Variants in ECE1 observed in about 807,000 individuals in gnomAD.
The protein encoded by ECE1 is endothelin-converting enzyme 1.
Under a neutral mutation model 98.6 loss-of-function variants are expected in ECE1, and 35 were observed. That is an observed-to-expected ratio of 0.35 (90% confidence interval 0.27 to 0.47). The LOEUF is 0.47. Among genes scored for constraint, ECE1 ranks in the 20% least tolerant of loss-of-function variants. The pLI is 1.00. For synonymous variants in ECE1, 394 were observed against 407.1 expected (o/e 0.97, Z 0.39); for missense variants, 814 against 1,025.3 (o/e 0.79, Z 2.81).
intron 1 of ECE1, among the ~76,000 whole-genome samples, chr1:21,334,015 A>G (rs968124348): frequency 6.6e-5 from 10 of 152,204 alleles, no homozygotes; most frequent in African/African-American, 2.4e-4. Context: ...CGAGGCTCAG[A>G]GATGGTCACT....
At chr1:21,239,452 C>T (rs2098192985) in intron 10 of ECE1, among the ~76,000 whole-genome samples, 1 of 152,174 alleles carries the variant, frequency 6.6e-6, no homozygotes, top group Non-Finnish European at 1.5e-5. Flanking sequence ...TTCATCATGG[C>T]CCTAAACTGA....
intron 8 of ECE1, among the ~76,000 whole-genome samples, chr1:21,255,438 G>A (rs947517621): frequency 2.6e-5 from 4 of 152,212 alleles, no homozygotes; most frequent in African/African-American, 9.7e-5. Flanking sequence ...CTTCTCCAAT[G>A]GGTGACAGAG....
At chr1:21,288,724 T>C (rs1048270835) in intron 2 of ECE1, among the ~76,000 whole-genome samples, 55 of 152,234 alleles carry the variant, frequency 3.6e-4, no homozygotes, top group African/African-American at 1.1e-3. Flanking sequence ...AGAAATCTAA[T>C]TTCCTGCTGG....
chr1:21,275,369 C>T (rs894068425), intron 3 of ECE1, among the ~76,000 whole-genome samples: 14 of 152,078 alleles, frequency 9.2e-5, no homozygotes, highest in African/African-American at 2.2e-4. Context: ...CCGAGGTGGG[C>T]GGATCACCTG....
At chr1:21,336,368 G>A (rs1639305038) in intron 1 of ECE1, among the ~76,000 whole-genome samples, 1 of 152,096 alleles carries the variant, frequency 6.6e-6, no homozygotes, top group Non-Finnish European at 1.5e-5. Flanking sequence ...GTGACAGAGT[G>A]AGAGACCCTG....
At chr1:21,287,862 C>T (rs1411135306) in intron 2 of ECE1, among the ~76,000 whole-genome samples, 1 of 152,236 alleles carries the variant, frequency 6.6e-6, no homozygotes, top group East Asian at 1.9e-4. Flanking sequence ...AAACCGTTAT[C>T]TCCAAGTGGC....
intron 1 of ECE1, among the ~76,000 whole-genome samples, chr1:21,315,717 C>G (rs1304004723): frequency 6.6e-5 from 10 of 150,996 alleles, no homozygotes; most frequent in Non-Finnish European, 1.5e-4. Flanking sequence ...TCACTTGAAC[C>G]CAGGAGGCAG....
chr1:21,342,943 C>A (rs1639430583), intron 1 of ECE1, among the ~76,000 whole-genome samples: 1 of 152,210 alleles, frequency 6.6e-6, no homozygotes, highest in Admixed American at 6.5e-5. Context: ...GCCCCAGCAA[C>A]CTTTTTGCCC....
chr1:21,286,750 C>T (rs1056454704), intron 2 of ECE1, among the ~76,000 whole-genome samples: 1 of 151,648 alleles, frequency 6.6e-6, no homozygotes, highest in Non-Finnish European at 1.5e-5. Flanking sequence ...CATGGCAAAA[C>T]CCCATCTCTA....
intron 2 of ECE1, among the ~76,000 whole-genome samples, chr1:21,283,673 C>A (rs3026859): frequency 0.078 from 11,933 of 152,214 alleles, 507 homozygotes; most frequent in African/African-American, 0.1. Flanking sequence ...AACAGTGAGG[C>A]AACCCACGTC....
chr1:21,253,576 C>A (rs1003966976), intron 8 of ECE1, among the ~76,000 whole-genome samples: 1 of 150,106 alleles, frequency 6.7e-6, no homozygotes, highest in South Asian at 2.1e-4. Flanking sequence ...TCCTGGCTAA[C>A]ACGGTGAAAC....
chr1:21,255,281 C>T (rs1276523067), intron 8 of ECE1, among the ~76,000 whole-genome samples: 5 of 152,294 alleles, frequency 3.3e-5, no homozygotes, highest in Non-Finnish European at 5.9e-5. Context: ...ACGGCAAGAT[C>T]GGTGGTGGCC....
In ECE1 at chr1:21,335,507, G is replaced by A. The variant is rs78337736; in HGVS notation, c.3+9869C>T. Among the ~76,000 whole-genome samples the A allele has an allele frequency of 3.0e-3, 453 of 152,292 alleles. 2 individuals are homozygous for A. Among genetic ancestry groups the A allele is most frequent in the African/African-American group, 0.01 (436 of 41,552 alleles). ...GCAGCCCTGAGAGGTGGATTGAGCC[G>A]CCCAAAGTCCCAGAGCCAGGGAATA... On this transcript the variant is annotated intron_variant, in intron 1 of 18. Transcript: ENST00000415912.
At chr1:21,301,283 A>C (rs965042811) in intron 1 of ECE1, among the ~76,000 whole-genome samples, 2 of 151,314 alleles carry the variant, frequency 1.3e-5, no homozygotes, top group African/African-American at 4.9e-5. Context: ...TCACGAGGTC[A>C]GGAGATAGAG....
chr1:21,302,864 G>A (rs1165226055), intron 1 of ECE1, among the ~76,000 whole-genome samples: 1 of 152,176 alleles, frequency 6.6e-6, no homozygotes, highest in Non-Finnish European at 1.5e-5. Flanking sequence ...ATCACCAGGG[G>A]GCAGGAATGC....
At chr1:21,329,888 G>A (rs1281958390) in intron 1 of ECE1, among the ~76,000 whole-genome samples, 1 of 152,194 alleles carries the variant, frequency 6.6e-6, no homozygotes, top group Non-Finnish European at 1.5e-5. Context: ...CTCACGTGGA[G>A]TGACCCAGGA....
chr1:21,338,220 T>A (rs1639338377), intron 1 of ECE1, among the ~76,000 whole-genome samples: 1 of 152,206 alleles, frequency 6.6e-6, no homozygotes, highest in Admixed American at 6.5e-5. Context: ...CAGCCCAGCC[T>A]GTGGCCTCTC....
intron 3 of ECE1, among the ~76,000 whole-genome samples, chr1:21,273,791 G>A (rs2098243336): frequency 6.6e-6 from 1 of 152,190 alleles, no homozygotes; most frequent in Non-Finnish European, 1.5e-5. Context: ...GGAGATGGAG[G>A]TTACAGTGAG....
intron 8 of ECE1, among the ~76,000 whole-genome samples, chr1:21,255,223 C>T (rs1573972558): frequency 6.6e-6 from 1 of 152,340 alleles, no homozygotes; most frequent in East Asian, 1.9e-4. Context: ...AGCCCCTCCT[C>T]AGCAGAGAAG....
Sources: gnomAD v4.1 joint callset for allele counts (sites outside exome capture counted in the v4.1 genomes callset) on GRCh38, gnomAD v4.1.1 for gene constraint, MANE v1.5 for transcripts, NCBI Gene and HGNC (gene_info 2026-07-23, HGNC 2026-07-21) for gene names.